The following LRBA variants were observed in gnomAD, a reference collection of about 807,000 sequenced individuals.
LRBA encodes the protein LPS responsive beige-like anchor protein.
Under a neutral mutation model 330.0 loss-of-function variants are expected in LRBA, and 176 were observed. The ratio of observed to expected loss-of-function variants is 0.53; its 90% CI spans 0.47 to 0.60. LRBA has a LOEUF of 0.60. Among genes scored for constraint, LRBA ranks in the 20% least tolerant of loss-of-function variants. LRBA has a pLI of 0.00. For synonymous variants in LRBA, 1,230 were observed against 1,193.0 expected (o/e 1.03, Z -0.64); for missense variants, 3,259 against 3,444.8 (o/e 0.95, Z 1.35).
At chr4:150,935,782 T>C (rs1351077408) in intron 2 of LRBA, among the ~76,000 whole-genome samples, 2 of 151,946 alleles carry the variant, frequency 1.3e-5, no homozygotes, top group East Asian at 3.9e-4. Flanking sequence ...ATAACTTCAA[T>C]ATAGGATTAG....
intron 48 of LRBA, among the ~76,000 whole-genome samples, chr4:150,340,770 C>T (rs1735418094): frequency 6.6e-6 from 1 of 152,038 alleles, no homozygotes; most frequent in Non-Finnish European, 1.5e-5. Context: ...TATTAATTTC[C>T]TTAAGGATTT....
At chr4:150,770,517 T>C (rs1736408256) in intron 34 of LRBA, among the ~76,000 whole-genome samples, 1 of 151,740 alleles carries the variant, frequency 6.6e-6, no homozygotes, top group South Asian at 2.1e-4. Context: ...ATAAACTCAA[T>C]ACATCTTAAG....
intron 47 of LRBA, among the ~76,000 whole-genome samples, chr4:150,400,828 G>A (rs1745362470): frequency 6.6e-6 from 1 of 152,096 alleles, no homozygotes; most frequent in African/African-American, 2.4e-5. Flanking sequence ...ACAATGAGAT[G>A]CTGTCTTAAA....
chr4:150,523,059 C>T (rs1561299928), intron 40 of LRBA, among the ~76,000 whole-genome samples: 1 of 152,212 alleles, frequency 6.6e-6, no homozygotes, highest in African/African-American at 2.4e-5. Flanking sequence ...AAGGCTAAAA[C>T]ACAACTTTCA....
At chr4:150,271,067 C>T (rs1011039035) in intron 56 of LRBA, among the ~76,000 whole-genome samples, 1 of 152,152 alleles carries the variant, frequency 6.6e-6, no homozygotes, top group Non-Finnish European at 1.5e-5. Context: ...CAAGCCGAAG[C>T]AGGGTGGGGT....
chr4:150,674,964 T>A (rs182947622), intron 37 of LRBA, among the ~76,000 whole-genome samples: 4 of 151,046 alleles, frequency 2.6e-5, no homozygotes, highest in Non-Finnish European at 4.4e-5. Context: ...ACGCCTATAA[T>A]CCTAGCACTT....
At chr4:150,755,511 G>T (rs1390110882) in intron 35 of LRBA, among the ~76,000 whole-genome samples, 1 of 152,010 alleles carries the variant, frequency 6.6e-6, no homozygotes, top group Non-Finnish European at 1.5e-5. Flanking sequence ...ATAATTATAG[G>T]TTGTTTTAAT....
chr4:150,495,195 T>C (rs906091082), intron 40 of LRBA, among the ~76,000 whole-genome samples: 8 of 152,188 alleles, frequency 5.3e-5, no homozygotes, highest in Admixed American at 3.9e-4. Context: ...ACTATCACTA[T>C]CCTTGTTTTT....
At chr4:150,504,443 A>G (rs1323054213) in intron 40 of LRBA, among the ~76,000 whole-genome samples, 1 of 152,258 alleles carries the variant, frequency 6.6e-6, no homozygotes, top group East Asian at 1.9e-4. Context: ...AATATTCAAC[A>G]TTCTTAAAGA....
chr4:150,762,538 TATA>T (rs1230312437), intron 34 of LRBA, among the ~76,000 whole-genome samples: 1 of 151,768 alleles, frequency 6.6e-6, no homozygotes, highest in Non-Finnish European at 1.5e-5. Context: ...AAAAAATATA[TATA>T]ATAAGCATTA....
intron 33 of LRBA, among the ~76,000 whole-genome samples, chr4:150,802,935 T>C (rs941471829): frequency 6.6e-6 from 1 of 150,448 alleles, no homozygotes; most frequent in Non-Finnish European, 1.5e-5. Context: ...GGCACAAGAA[T>C]TGCTTGAACT....
At chr4:150,343,158 A>G (rs572393870) in intron 48 of LRBA, among the ~76,000 whole-genome samples, 3 of 152,268 alleles carry the variant, frequency 2.0e-5, no homozygotes, top group Admixed American at 2.0e-4. Context: ...TGGGCACTGC[A>G]GGGACATGCT....
At chr4:150,792,874 AGTT>A (rs2126649189) in intron 34 of LRBA, among the ~76,000 whole-genome samples, 1 of 152,272 alleles carries the variant, frequency 6.6e-6, no homozygotes, top group South Asian at 2.1e-4. Context: ...TGAGGTCAGG[AGTT>A]CAAGACCAGC....
intron 35 of LRBA, among the ~76,000 whole-genome samples, chr4:150,749,878 C>A (rs1021006178): frequency 6.6e-6 from 1 of 152,154 alleles, no homozygotes; most frequent in African/African-American, 2.4e-5. Flanking sequence ...GCTTATAGGG[C>A]CTTATATGAT....
intron 2 of LRBA, among the ~76,000 whole-genome samples, chr4:150,932,915 CAAAACAAAAAAAAGA>C (rs1222041507): frequency 1.3e-5 from 2 of 149,246 alleles, no homozygotes; most frequent in Non-Finnish European, 3.0e-5. Flanking sequence ...GACCTTGTCT[CAAAACAAAAAAAAGA>C]AAAACAAAAA....
chr4:150,444,469 T>C (rs1383807870), intron 44 of LRBA, among the ~76,000 whole-genome samples: 2 of 152,182 alleles, frequency 1.3e-5, no homozygotes, highest in Non-Finnish European at 2.9e-5. Context: ...CTCTTTCATC[T>C]AAATGACAAG....
intron 53 of LRBA, among the ~76,000 whole-genome samples, chr4:150,295,723 G>A (rs1728902318): frequency 6.6e-6 from 1 of 152,188 alleles, no homozygotes; most frequent in South Asian, 2.1e-4. Flanking sequence ...ACTTACATAT[G>A]TAGCTTCGTG....
intron 36 of LRBA, among the ~76,000 whole-genome samples, chr4:150,698,828 T>C (rs1281480263): frequency 1.3e-5 from 2 of 152,062 alleles, no homozygotes; most frequent in Non-Finnish European, 2.9e-5. Context: ...CAGCAGAAAA[T>C]ATTGAGGCCT....
intron 13 of LRBA, among the ~76,000 whole-genome samples, chr4:150,900,494 T>C (rs901884639): frequency 6.6e-6 from 1 of 152,222 alleles, no homozygotes; most frequent in African/African-American, 2.4e-5. Context: ...AACTTTGTGA[T>C]TCCTATTTAG....
Sources: gnomAD v4.1 joint callset for allele counts (sites outside exome capture counted in the v4.1 genomes callset) on GRCh38, gnomAD v4.1.1 for gene constraint, MANE v1.5 for transcripts, NCBI Gene and HGNC (gene_info 2026-07-23, HGNC 2026-07-21) for gene names.